The following RABGAP1 variants were observed in gnomAD, a reference collection of about 807,000 sequenced individuals.
RABGAP1 encodes rab GTPase-activating protein 1.
RABGAP1 carries 23 observed loss-of-function variants against 137.6 expected under a neutral mutation model. The observed-to-expected ratio is 0.17, with a 90% CI of 0.12 to 0.24. The LOEUF is 0.24. RABGAP1 is among the 10% of genes least tolerant of loss of function. The pLI is 1.00. For synonymous variants in RABGAP1, 451 were observed against 450.7 expected (o/e 1.00, Z -0.01); for missense variants, 906 against 1,275.8 (o/e 0.71, Z 4.42).
At chr9:123,065,562 C>A in intron 14 of RABGAP1, 101 bp downstream of exon 14, 1 of 893,920 alleles carries the variant, frequency 1.1e-6, no homozygotes, top group East Asian at 2.5e-5. Context: ...ATTTGATGTT[C>A]AAGAATTCCA....
At chr9:123,039,124 G>A (rs2032821833) in intron 13 of RABGAP1, among the ~76,000 whole-genome samples, 2 of 152,122 alleles carry the variant, frequency 1.3e-5, no homozygotes, top group South Asian at 4.1e-4. Context: ...CTACATGTAA[G>A]GAAGCCATAC....
the RABGAP1 span, among the ~76,000 whole-genome samples, chr9:122,935,445 C>G: frequency 6.6e-6 from 1 of 152,110 alleles, no homozygotes; most frequent in South Asian, 2.1e-4. Flanking sequence ...TCAATTGATT[C>G]TCCTGCCTCA....
intron 13 of RABGAP1, among the ~76,000 whole-genome samples, chr9:123,039,926 T>A (rs2032870502): frequency 6.6e-6 from 1 of 152,184 alleles, no homozygotes; most frequent in South Asian, 2.1e-4. Flanking sequence ...ACACTATTGG[T>A]CATGTATCCA....
At chr9:122,989,696 C>T (rs1010722739) in intron 5 of RABGAP1, 1 of 574,748 alleles carries the variant, frequency 1.7e-6, no homozygotes, top group African/African-American at 1.9e-5. Context: ...CTGTTGGCTA[C>T]TTTTGATTGG....
intron 18 of RABGAP1, 103 bp from the exon 19 acceptor site, chr9:123,076,531 C>G: frequency 7.5e-7 from 1 of 1,337,706 alleles, no homozygotes; most frequent in Non-Finnish European, 1.0e-6. Flanking sequence ...GAAGTATCTT[C>G]TGGGGATTGT....
intron 23 of RABGAP1, 69 bp downstream of exon 23, chr9:123,098,867 CG>C (rs2035261411): frequency 1.3e-6 from 1 of 766,886 alleles, no homozygotes; most frequent in East Asian, 5.8e-5. Flanking sequence ...AATGTATACC[CG>C]CCCCCCACCC....
rs1404207011 is a variant in RABGAP1 at position 123,103,602 on chromosome 9, T to TATATATATATAC, written c.*400_*401insCATATATATATA. 1.8e-5 allele frequency: 1 copy of TATATATATATAC among 57,022 alleles called. No homozygotes were observed. Among genetic ancestry groups the TATATATATATAC allele is most frequent in the African/African-American group, 2.0e-4 (1 of 4,880 alleles). The allele number at this position is 57,022 out of a possible 1,614,324, so 3.5% of individuals were successfully genotyped here. On this transcript the variant is annotated 3_prime_UTR_variant, in exon 26 of 26. Transcript: ENST00000373647. Reference sequence around the variant, plus strand: ...TTTTTAATATACATATATATATATATATATATATATATATATATATATATA... The same window carrying TATATATATATAC: ...TTTTTAATATACATATATATATATATATATATATATACATATATATATATATATATATATATA...
intron 13 of RABGAP1, among the ~76,000 whole-genome samples, chr9:123,049,428 G>A (rs1470541794): frequency 1.3e-5 from 2 of 152,082 alleles, no homozygotes; most frequent in Non-Finnish European, 2.9e-5. Flanking sequence ...ATTAGACAAC[G>A]ATAATAGAGA....
At chr9:123,021,934 G>A (rs2031665314) in intron 13 of RABGAP1, among the ~76,000 whole-genome samples, 1 of 152,172 alleles carries the variant, frequency 6.6e-6, no homozygotes, top group African/African-American at 2.4e-5. Context: ...GGAGAACAGA[G>A]GAGTCTTTAT....
chr9:123,102,470 T>G (rs116253557), intron 25 of RABGAP1, among the ~76,000 whole-genome samples: 354 of 152,302 alleles, frequency 2.3e-3, no homozygotes, highest in African/African-American at 7.4e-3. Context: ...GGTCTGGGAC[T>G]GCAAAGCTAA....
chr9:122,942,074 A>G (rs541467507), intron 1 of RABGAP1, among the ~76,000 whole-genome samples: 1 of 152,232 alleles, frequency 6.6e-6, no homozygotes, highest in Non-Finnish European at 1.5e-5. Flanking sequence ...AATTCCTTTT[A>G]TATTTCCATT....
In RABGAP1 at chr9:123,101,774, C is replaced by T; in HGVS notation, c.3087+11C>T. 6.3e-7 allele frequency: 1 copy of T among 1,591,218 alleles called. No homozygotes were observed. Among genetic ancestry groups the T allele is most frequent in the East Asian group, 2.3e-5 (1 of 44,246 alleles). ...GAGTGTAAGATACAGGTAACAGCAG[C>T]AGAGCTCAGACATGTGCCTGCGGGC... On this transcript the variant is annotated intron_variant, in intron 25 of 25. Transcript: ENST00000373647.
At chr9:122,986,516 T>C in intron 4 of RABGAP1, 97 bp downstream of exon 4, 2 of 1,264,060 alleles carry the variant, frequency 1.6e-6, no homozygotes, top group Non-Finnish European at 2.2e-6. Flanking sequence ...ATATTAATAG[T>C]TATTTTACTT....
chr9:123,084,631 C>A (rs1053161212), intron 19 of RABGAP1, among the ~76,000 whole-genome samples: 3 of 152,160 alleles, frequency 2.0e-5, no homozygotes, highest in Non-Finnish European at 2.9e-5. Flanking sequence ...TAAAATGGCT[C>A]TTTGTTTGCA....
At chr9:122,941,833 G>C (rs1053684607) in intron 1 of RABGAP1, among the ~76,000 whole-genome samples, 4 of 152,250 alleles carry the variant, frequency 2.6e-5, no homozygotes, top group Non-Finnish European at 4.4e-5. Context: ...TCTGCATCCA[G>C]ACTGTTTATC....
chr9:123,052,795 C>T lies in RABGAP1; in HGVS notation c.1795-12553C>T, dbSNP rs143664049. On this transcript the variant is annotated intron_variant, in intron 13 of 25. Coordinates refer to ENST00000373647, the MANE Select transcript of RABGAP1 (RefSeq NM_012197.4). ...AAAAAGAAAAAAAGAAAAAAATTAG[C>T]TGGGCATGATGGTGCACGCCTGTAA... Among the ~76,000 whole-genome samples the T allele has an allele frequency of 2.0e-5, 3 of 152,246 alleles. No individual in the cohort carries two copies. In the East Asian group the frequency reaches 5.8e-4, roughly 29 times the overall value.
chr9:123,050,665 T>C (rs2033413610), intron 13 of RABGAP1, among the ~76,000 whole-genome samples: 1 of 152,254 alleles, frequency 6.6e-6, no homozygotes, highest in Non-Finnish European at 1.5e-5. Flanking sequence ...CTGATTTGAC[T>C]ATGTAATTGA....
chr9:123,027,225 C>G (rs893282112), intron 13 of RABGAP1, among the ~76,000 whole-genome samples: 1 of 151,698 alleles, frequency 6.6e-6, no homozygotes, highest in African/African-American at 2.4e-5. Context: ...CAGTGATTCT[C>G]CTGTCACAGC....
chr9:123,062,563 ACTC>A lies in RABGAP1; in HGVS notation c.1795-2781_1795-2779del, dbSNP rs768107098. On this transcript the variant is annotated intron_variant, in intron 13 of 25. Coordinates refer to ENST00000373647, the MANE Select transcript of RABGAP1 (RefSeq NM_012197.4). ...ATTTTAAGCAAATGATTCACATGGA[ACTC>A]CTCAATTTATTATCATTCTTGAAGG... is the stretch of plus-strand genomic sequence containing the variant. The A allele has an allele frequency of 4.6e-5, 7 of 152,028 alleles. No homozygotes were observed. The East Asian group carries it at 1.2e-3, about 25-fold the overall frequency. 9.4% of individuals were successfully genotyped at this position (152,028 alleles called of 1,614,324 possible). A position where few individuals can be genotyped will look rare whatever the true frequency, so the allele number is the denominator to read the frequency against.
Sources: allele counts gnomAD v4.1 joint callset (sites outside exome capture counted in the v4.1 genomes callset), GRCh38; gene constraint gnomAD v4.1.1; transcripts MANE v1.5; gene names NCBI Gene and HGNC (gene_info 2026-07-23, HGNC 2026-07-21).